The following EFR3A variants were observed in gnomAD, a reference collection of about 807,000 sequenced individuals.
EFR3A encodes protein EFR3 homolog A.
A neutral mutation model predicts 104.4 loss-of-function variants in EFR3A; 76 were observed. The ratio of observed to expected loss-of-function variants is 0.73; its 90% CI spans 0.60 to 0.88. EFR3A has a LOEUF of 0.88. Among genes scored for constraint, EFR3A ranks in the 40% least tolerant of loss-of-function variants. The pLI is 0.00. For synonymous variants in EFR3A, 330 were observed against 330.0 expected (o/e 1.00, Z 0.00); for missense variants, 985 against 1,012.5 (o/e 0.97, Z 0.37).
At chr8:131,915,930 A>G (rs12544248) in intron 1 of EFR3A, among the ~76,000 whole-genome samples, 20,314 of 152,182 alleles carry the variant, frequency 0.13, 1,929 homozygotes, top group East Asian at 0.33. Flanking sequence ...ATACGGTGCT[A>G]TCCTCATACA....
intron 1 of EFR3A, among the ~76,000 whole-genome samples, chr8:131,911,958 A>C (rs372800474): frequency 6.6e-6 from 1 of 152,176 alleles, no homozygotes; most frequent in Non-Finnish European, 1.5e-5. Context: ...AGGGAAAGTT[A>C]GAGTAATATT....
intron 1 of EFR3A, among the ~76,000 whole-genome samples, chr8:131,905,583 GTCC>G (rs1816217437): frequency 6.6e-6 from 1 of 152,136 alleles, no homozygotes; most frequent in Admixed American, 6.5e-5. Context: ...ACTACTGTGT[GTCC>G]TTAACTCACG....
At chr8:131,959,755 G>A (rs1409419495) in intron 8 of EFR3A, 92 bp downstream of exon 8, 1 of 788,422 alleles carries the variant, frequency 1.3e-6, no homozygotes, top group East Asian at 2.8e-5. Context: ...GGAAGCTGTA[G>A]GATATAAATC....
intron 2 of EFR3A, 150 bp downstream of exon 2, chr8:131,940,725 C>A: frequency 7.9e-7 from 1 of 1,273,162 alleles, no homozygotes; most frequent in Non-Finnish European, 1.0e-6. Flanking sequence ...CTTTTTTTTA[C>A]TCTTAAATGA....
chr8:131,991,872 T>C (rs1267720561), intron 18 of EFR3A, among the ~76,000 whole-genome samples: 1 of 152,098 alleles, frequency 6.6e-6, no homozygotes, highest in African/African-American at 2.4e-5. Context: ...TGGCACAAAT[T>C]GCTGAAGCTT....
chr8:131,961,907 A>G (rs950156491), intron 8 of EFR3A, among the ~76,000 whole-genome samples: 15 of 152,322 alleles, frequency 9.8e-5, no homozygotes, highest in African/African-American at 2.4e-4. Flanking sequence ...CCAATATTCA[A>G]CATTCTTAAA....
chr8:131,904,607 G>A (rs903125877), intron 1 of EFR3A, among the ~76,000 whole-genome samples: 1 of 152,366 alleles, frequency 6.6e-6, no homozygotes, highest in Non-Finnish European at 1.5e-5. Context: ...GGATTTCAAA[G>A]TTAAAGCCCT....
At chr8:131,979,496 A>T (rs1412565296) in intron 14 of EFR3A, 75 bp downstream of exon 14, 1 of 1,046,300 alleles carries the variant, frequency 9.6e-7, no homozygotes, top group Non-Finnish European at 1.4e-6. Flanking sequence ...TTTTATATTG[A>T]TCTGTGCCCT....
intron 4 of EFR3A, among the ~76,000 whole-genome samples, chr8:131,947,870 AT>A (rs1483648466): frequency 6.6e-6 from 1 of 152,092 alleles, no homozygotes; most frequent in Non-Finnish European, 1.5e-5. Context: ...AAGGGTTTAT[AT>A]GTTTATTCTT....
At chr8:131,973,247 A>G (rs1464884033) in intron 10 of EFR3A, among the ~76,000 whole-genome samples, 1 of 151,978 alleles carries the variant, frequency 6.6e-6, no homozygotes, top group Non-Finnish European at 1.5e-5. Flanking sequence ...TAAGACAGTT[A>G]GTATTAATAT....
intron 18 of EFR3A, among the ~76,000 whole-genome samples, chr8:131,994,136 G>A (rs943496757): frequency 1.3e-5 from 2 of 152,004 alleles, no homozygotes; most frequent in Non-Finnish European, 2.9e-5. Flanking sequence ...CTGACTACTC[G>A]GGAGGCTAAA....
rs564236633 is a variant in EFR3A, at chr8:131,984,317, G to A, written c.1737+17G>A. 2.0e-5 allele frequency: 31 copies of A among 1,512,902 alleles called. No individual in the cohort carries two copies. The highest frequency in any genetic ancestry group is 1.4e-4 in the African/African-American group (10 of 70,774). The allele number at this position is 1,512,902 out of a possible 1,614,324, so 93.7% of individuals were successfully genotyped here. A position where few individuals can be genotyped will look rare whatever the true frequency, so the allele number is the denominator to read the frequency against. ...GCTTTACAGGTATGCTTTCATAACCGTTCACTGCAGAAAACATTTTTTATA... is the reference window on the plus strand; with the variant it reads ...GCTTTACAGGTATGCTTTCATAACCATTCACTGCAGAAAACATTTTTTATA... On this transcript the variant is annotated intron_variant, in intron 15 of 22. Transcript: ENST00000254624.
intron 7 of EFR3A, among the ~76,000 whole-genome samples, chr8:131,956,233 T>C (rs1267321351): frequency 6.6e-6 from 1 of 152,214 alleles, no homozygotes; most frequent in Non-Finnish European, 1.5e-5. Context: ...ATGTATCTTG[T>C]TCTACTAACT....
Position 131,944,799 on chromosome 8 carries a change from C to T in EFR3A, c.142C>T (p.Pro48Ser). 6.2e-7 allele frequency: 1 copy of T among 1,609,062 alleles called. No homozygotes were observed. Among genetic ancestry groups the T allele is most frequent in the Non-Finnish European group, 8.5e-7 (1 of 1,177,546 alleles). Reference protein sequence around the residue: ...EKLTFYAVSAPEKLDRIGSYL... With the variant: ...EKLTFYAVSASEKLDRIGSYL... ...ATTGACATTTTATGCAGTATCTGCT[C>T]CAGAGAAACTGGATCGAATTGGTTC... Residue 48 changes from proline to serine, a missense_variant, in exon 3 of 23, where the codon CCA becomes TCA. By Grantham distance (74) the Pro-to-Ser change is moderately conservative. Coordinates refer to ENST00000254624, the MANE Select transcript of EFR3A (RefSeq NM_015137.6).
In EFR3A at chr8:131,905,567, TCA is replaced by T. The variant is rs1816215778; in HGVS notation, c.10+1251_10+1252del. Among the ~76,000 whole-genome samples, 6 of 152,348 alleles carry T rather than the reference TCA, an allele frequency of 3.9e-5. No individual in the cohort carries two copies. The South Asian group carries it at 1.2e-3, about 32-fold the overall frequency. ...GTGGGTACTGTGGATTTTGTTTTCT[TCA>T]CACACTACTGTGTGTCCTTAACTCA... On this transcript the variant is annotated intron_variant, in intron 1 of 22. Coordinates refer to ENST00000254624, the MANE Select transcript of EFR3A (RefSeq NM_015137.6).
At chr8:131,933,155 A>G (rs1233497032) in intron 1 of EFR3A, among the ~76,000 whole-genome samples, 1 of 152,170 alleles carries the variant, frequency 6.6e-6, no homozygotes, top group Non-Finnish European at 1.5e-5. Context: ...TATATATTAA[A>G]AAAGGGAATC....
intron 7 of EFR3A, among the ~76,000 whole-genome samples, chr8:131,956,322 A>T (rs189809398): frequency 2.6e-5 from 4 of 152,174 alleles, no homozygotes; most frequent in African/African-American, 9.6e-5. Context: ...CTTAGATCGC[A>T]TTCACATCTC....
Position 131,984,956 on chromosome 8 carries a change from T to A in EFR3A, c.1765T>A (p.Leu589Met), listed in dbSNP as rs1820802366. 6.2e-7 allele frequency: 1 copy of A among 1,613,428 alleles called. No individual in the cohort carries two copies. Among genetic ancestry groups the A allele is most frequent in the Admixed American group, 1.7e-5 (1 of 59,954 alleles). ...QDSAIINEDNLPMFHRCGIMA... is the reference protein window; with the variant it reads ...QDSAIINEDNMPMFHRCGIMA... ...CAGTGCAATTATCAATGAGGATAAT[T>A]TGCCAATGTTCCATCGTTGTGGAAT... The change falls in exon 16 of 23, where the codon TTG becomes ATG. Residue 589 changes from leucine (L) to methionine (M), a missense_variant. Leu to Met is a conservative substitution (Grantham distance 15). Coordinates refer to ENST00000254624, the MANE Select transcript of EFR3A (RefSeq NM_015137.6).
In EFR3A at chr8:131,934,421, C is replaced by T. The variant is rs1216593538; in HGVS notation, c.11-6078C>T. ...ACTTTAGCCGCAAGTTGTTTTCTCT[C>T]TCCTCTGAACCTCTGTGGTGCTTAC... On this transcript the variant is annotated intron_variant, in intron 1 of 22. Coordinates refer to ENST00000254624, the MANE Select transcript of EFR3A (RefSeq NM_015137.6). Among the ~76,000 whole-genome samples, 4 of 152,146 alleles carry T rather than the reference C, an allele frequency of 2.6e-5. No homozygotes were observed. In the East Asian group the frequency reaches 7.7e-4, roughly 29 times the overall value.
Sources: gnomAD v4.1 joint callset for allele counts (sites outside exome capture counted in the v4.1 genomes callset) on GRCh38, gnomAD v4.1.1 for gene constraint, MANE v1.5 for transcripts, NCBI Gene and HGNC (gene_info 2026-07-23, HGNC 2026-07-21) for gene names.